Variants in TXNRD1 observed in about 807,000 individuals in gnomAD.
TXNRD1 encodes thioredoxin reductase 1, cytoplasmic.
In TXNRD1, 57 loss-of-function variants were observed where a neutral mutation model predicts 80.3. That is an observed-to-expected ratio of 0.71 (90% CI 0.57 to 0.89). The LOEUF is 0.89. Among genes scored for constraint, TXNRD1 ranks in the 40% least tolerant of loss-of-function variants. The pLI, the probability that TXNRD1 is intolerant of heterozygous loss-of-function variation, is 0.00. For missense variants in TXNRD1, 730 were observed against 803.0 expected (o/e 0.91, Z 1.10); for synonymous variants, 291 against 285.2 (o/e 1.02, Z -0.20).
At chr12:104,262,597 A>C (rs1180398507) in intron 3 of TXNRD1, 1 of 152,198 alleles carries the variant, frequency 6.6e-6, no homozygotes, top group African/African-American at 2.4e-5. Context: ...TGGGTATTTA[A>C]AAAGTCAGAA....
chr12:104,234,498 T>C (rs897222962), intron 1 of TXNRD1, among the ~76,000 whole-genome samples: 3 of 151,950 alleles, frequency 2.0e-5, no homozygotes, highest in African/African-American at 7.3e-5. Context: ...TTTCACCATA[T>C]TGGCCAGGCT....
chr12:104,222,724 G>A (rs1350297535), intron 1 of TXNRD1, among the ~76,000 whole-genome samples: 4 of 152,244 alleles, frequency 2.6e-5, no homozygotes, highest in East Asian at 1.9e-4. Flanking sequence ...GGTGGCATGC[G>A]CATGTAATCC....
chr12:104,320,718 C>T (rs1202098826), intron 9 of TXNRD1, among the ~76,000 whole-genome samples: 1 of 151,832 alleles, frequency 6.6e-6, no homozygotes, highest in Non-Finnish European at 1.5e-5. Flanking sequence ...ACAAGCAACA[C>T]AGGTTTTTCC....
chr12:104,319,713 G>C (rs762764156), intron 9 of TXNRD1, 128 bp downstream of exon 9: 14 of 690,496 alleles, frequency 2.0e-5, no homozygotes, highest in Non-Finnish European at 3.5e-5. Context: ...TGCCCTCTCT[G>C]GGGGCAGGGG....
intron 1 of TXNRD1, among the ~76,000 whole-genome samples, chr12:104,232,181 G>A (rs2032639242): frequency 6.6e-6 from 1 of 152,164 alleles, no homozygotes; most frequent in African/African-American, 2.4e-5. Context: ...GCCCAGCCAT[G>A]GGATTGTATC....
chr12:104,278,990 A>G (rs750541643), intron 3 of TXNRD1, among the ~76,000 whole-genome samples: 7 of 152,240 alleles, frequency 4.6e-5, no homozygotes, highest in Non-Finnish European at 1.0e-4. Flanking sequence ...CTATGTGTGC[A>G]TACTATATTA....
chr12:104,237,561 C>T (rs542628703), intron 1 of TXNRD1, among the ~76,000 whole-genome samples: 15 of 152,168 alleles, frequency 9.9e-5, no homozygotes, highest in East Asian at 1.9e-4. Context: ...GCATACTACC[C>T]GGCCCTGTTC....
At chr12:104,267,691 TTC>T (rs1176798471) in intron 3 of TXNRD1, among the ~76,000 whole-genome samples, 3 of 49,178 alleles carry the variant, frequency 6.1e-5, no homozygotes, top group Non-Finnish European at 1.6e-4. Context: ...CTTTCTTTCT[TTC>T]TTTCTTTCTC....
chr12:104,218,270 C>T (rs1038789889), intron 1 of TXNRD1, among the ~76,000 whole-genome samples: 2 of 152,050 alleles, frequency 1.3e-5, no homozygotes, highest in African/African-American at 2.4e-5. Flanking sequence ...GTGATCTTCC[C>T]GCCTCAGCCT....
In TXNRD1 at chr12:104,334,354, T is replaced by G. The variant is rs373536002; in HGVS notation, c.1746+22T>G. 3.0e-6 allele frequency: 4 copies of G among 1,324,948 alleles called. No individual in the cohort carries two copies. The African/African-American group carries it at 6.1e-5, about 20-fold the overall frequency. The allele number at this position is 1,324,948 out of a possible 1,614,324, so 82.1% of individuals were successfully genotyped here. A position where few individuals can be genotyped will look rare whatever the true frequency, so the allele number is the denominator to read the frequency against. On this transcript the variant is annotated intron_variant, in intron 15 of 16. Transcript: ENST00000525566. The stretch of plus-strand genomic sequence containing the variant: ...CAATGTAAGTTTAATTCTCAATCCT[T>G]TCCAGTAATTTTATTTAGTTGTTGT...
chr12:104,258,188 C>A (rs557138134), intron 3 of TXNRD1, 109 bp downstream of exon 3: 1 of 782,148 alleles, frequency 1.3e-6, no homozygotes, highest in South Asian at 1.8e-5. Context: ...GTTTAGTGAG[C>A]ACTTGCTAGC....
At chr12:104,339,469 C>G in intron 16 of TXNRD1, 196 bp downstream of exon 16, 1 of 764,628 alleles carries the variant, frequency 1.3e-6, no homozygotes, top group Non-Finnish European at 2.3e-6. Context: ...TCCGTCATGT[C>G]GTTAAGTGGT....
At chr12:104,294,603 G>T (rs1186421884) in intron 4 of TXNRD1, among the ~76,000 whole-genome samples, 2 of 152,092 alleles carry the variant, frequency 1.3e-5, no homozygotes, top group Non-Finnish European at 2.9e-5. Context: ...AACAATTCTT[G>T]TTTTATATTA....
chr12:104,267,090 C>T (rs577510217), intron 3 of TXNRD1, among the ~76,000 whole-genome samples: 301 of 150,220 alleles, frequency 2.0e-3, no homozygotes, highest in African/African-American at 7.0e-3. Context: ...GGCCTGAACC[C>T]GGGAGGCAGA....
intron 1 of TXNRD1, chr12:104,224,743 C>T (rs890314870): frequency 1.4e-5 from 6 of 437,766 alleles, no homozygotes; most frequent in African/African-American, 1.0e-4. Context: ...AGTAGATGCT[C>T]GGTAAATGTT....
intron 12 of TXNRD1, among the ~76,000 whole-genome samples, chr12:104,327,310 C>A (rs1252634482): frequency 6.6e-6 from 1 of 151,968 alleles, no homozygotes; most frequent in African/African-American, 2.4e-5. Context: ...TTTCTTATTT[C>A]TTTGATTTTC....
intron 3 of TXNRD1, among the ~76,000 whole-genome samples, chr12:104,272,880 T>C (rs982206850): frequency 4.6e-5 from 7 of 151,254 alleles, no homozygotes; most frequent in African/African-American, 1.7e-4. Flanking sequence ...TTAGAACTCA[T>C]ATCTAACACT....
At chr12:104,294,671 C>T (rs73180130) in intron 4 of TXNRD1, among the ~76,000 whole-genome samples, 13,273 of 152,188 alleles carry the variant, frequency 0.087, 705 homozygotes, top group East Asian at 0.19. Context: ...GCTTGCCACC[C>T]ACAGTCCAGG....
chr12:104,330,714 GTAGCTGAGAT>G lies in TXNRD1; in HGVS notation c.1543-817_1543-808del. ...CGATTCTCCTGCCTCAGCCTCCCGAGTAGCTGAGATTACAGGCGCCTGCCACCACGCCCAG... is the reference window on the plus strand; with the variant it reads ...CGATTCTCCTGCCTCAGCCTCCCGAGTACAGGCGCCTGCCACCACGCCCAG... On this transcript the variant is annotated intron_variant, in intron 13 of 16. Coordinates refer to ENST00000525566, the MANE Select transcript of TXNRD1 (RefSeq NM_001093771.3). Among the ~76,000 whole-genome samples, 3 of 152,170 alleles carry G rather than the reference GTAGCTGAGAT, an allele frequency of 2.0e-5. No individual in the cohort carries two copies. The East Asian group carries it at 5.8e-4, about 29-fold the overall frequency.
Sources: gnomAD v4.1 joint callset for allele counts (sites outside exome capture counted in the v4.1 genomes callset) on GRCh38, gnomAD v4.1.1 for gene constraint, MANE v1.5 for transcripts, NCBI Gene and HGNC (gene_info 2026-07-23, HGNC 2026-07-21) for gene names.